MGAT4D: variants seen among roughly 807,000 people sequenced by gnomAD.
MGAT4D encodes the protein alpha-1,3-mannosyl-glycoprotein 4-beta-N-acetylglucosaminyltransferase-like protein MGAT4D.
A neutral mutation model predicts 15.9 loss-of-function variants in MGAT4D; 34 were observed. The observed-to-expected ratio is 2.14, with a 90% confidence interval of 1.62 to 2.84. MGAT4D has a LOEUF of 2.84. MGAT4D is among the 30% of genes most tolerant of loss of function. MGAT4D has a pLI of 0.00. For missense variants in MGAT4D, 327 were observed against 140.2 expected (o/e 2.33, Z -6.73); for synonymous variants, 112 against 48.2 (o/e 2.33, Z -5.49).
At chr4:140,480,559 C>T (rs1273077913) in intron 2 of MGAT4D, among the ~76,000 whole-genome samples, 1 of 151,890 alleles carries the variant, frequency 6.6e-6, no homozygotes, top group African/African-American at 2.4e-5. Flanking sequence ...AAGAGTGTCA[C>T]CAACTGAAAG....
chr4:140,457,586 A>C (rs1356368037), intron 8 of MGAT4D: 1 of 152,192 alleles, frequency 6.6e-6, no homozygotes, highest in Non-Finnish European at 1.5e-5. Context: ...TCATATTTTT[A>C]GCAAATAATG....
intron 1 of MGAT4D, among the ~76,000 whole-genome samples, chr4:140,484,685 G>T (rs1415141872): frequency 1.3e-5 from 2 of 151,964 alleles, no homozygotes; most frequent in African/African-American, 4.8e-5. Flanking sequence ...AATCTACAAT[G>T]AACTCAAACA....
intron 8 of MGAT4D, chr4:140,458,223 G>A (rs1393596945): frequency 6.6e-6 from 1 of 152,138 alleles, no homozygotes; most frequent in Non-Finnish European, 1.5e-5. Flanking sequence ...ATTAAGGTCT[G>A]CCACTCAGGA....
At chr4:140,470,344 T>C (rs1731842213) in intron 5 of MGAT4D, among the ~76,000 whole-genome samples, 1 of 152,244 alleles carries the variant, frequency 6.6e-6, no homozygotes, top group African/African-American at 2.4e-5. Flanking sequence ...ATTCTACACT[T>C]ACTAGCTGGA....
chr4:140,477,886 CAAAAT>C (rs1732446236), intron 3 of MGAT4D, among the ~76,000 whole-genome samples: 1 of 152,060 alleles, frequency 6.6e-6, no homozygotes, highest in Admixed American at 6.6e-5. Flanking sequence ...AAACCAGGCA[CAAAAT>C]GATGAGGGGC....
At chr4:140,487,940 G>A (rs1733250688) in intron 1 of MGAT4D, among the ~76,000 whole-genome samples, 1 of 152,168 alleles carries the variant, frequency 6.6e-6, no homozygotes, top group South Asian at 2.1e-4. Flanking sequence ...GACTTCAGAT[G>A]CAGACAATCA....
Position 140,494,892 on chromosome 4 carries a change from A to G in MGAT4D, c.94+3237T>C, listed in dbSNP as rs1733737688. On this transcript the variant is annotated intron_variant, in intron 1 of 10. Transcript: ENST00000511113. ...GAATTACCCAACCCAAAATGTCAAC[A>G]GCGCTAAGGTTGAGAAACCCTAGTT... is the stretch of plus-strand genomic sequence containing the variant. Among the ~76,000 whole-genome samples, 3 of 152,202 alleles carry G rather than the reference A, an allele frequency of 2.0e-5. No homozygotes were observed. In the South Asian group the frequency reaches 6.2e-4, roughly 32 times the overall value.
intron 1 of MGAT4D, among the ~76,000 whole-genome samples, chr4:140,485,715 T>A (rs1379659813): frequency 6.9e-6 from 1 of 145,014 alleles, no homozygotes; most frequent in Non-Finnish European, 1.5e-5. Flanking sequence ...GAGGTCAAGG[T>A]GAGAGGACTG....
At chr4:140,498,042 C>A in intron 1 of MGAT4D, 87 bp downstream of exon 1, 1 of 618,002 alleles carries the variant, frequency 1.6e-6, no homozygotes. Context: ...ATCGCCTCCG[C>A]ACCCGCCGAC....
At chr4:140,453,431 C>T (rs1005433014) in intron 9 of MGAT4D, among the ~76,000 whole-genome samples, 4 of 151,636 alleles carry the variant, frequency 2.6e-5, no homozygotes, top group African/African-American at 7.3e-5. Flanking sequence ...TTTAAGGTGT[C>T]CAGCATATAG....
At position 140,482,502 on chromosome 4, in the gene MGAT4D, T is replaced by C. The variant is rs967735390; in HGVS notation, c.95-17A>G. On this transcript the variant is annotated splice_polypyrimidine_tract_variant and intron_variant, in intron 1 of 10. Transcript: ENST00000511113. The stretch of plus-strand genomic sequence containing the variant: ...ATTGATTATCTGCAATGAAAACATA[T>C]GTATATATTTGTACATGTAGCAATG... 9 of 607,184 alleles carry C rather than the reference T, an allele frequency of 1.5e-5. No individual in the cohort carries two copies. The Admixed American group carries it at 1.9e-4, about 13-fold the overall frequency. 37.6% of individuals were successfully genotyped at this position (607,184 alleles called of 1,614,324 possible).
At chr4:140,476,083 A>T (rs1466525917) in intron 3 of MGAT4D, among the ~76,000 whole-genome samples, 1 of 152,132 alleles carries the variant, frequency 6.6e-6, no homozygotes, top group Non-Finnish European at 1.5e-5. Context: ...AAGTGCTGGG[A>T]TTACAGGCAT....
At chr4:140,491,936 T>C (rs1038160150) in intron 1 of MGAT4D, among the ~76,000 whole-genome samples, 4 of 152,104 alleles carry the variant, frequency 2.6e-5, no homozygotes, top group African/African-American at 7.2e-5. Flanking sequence ...TCTCCAAAGA[T>C]AGCCTCCAGG....
At chr4:140,449,051 C>A (rs898549144) in intron 10 of MGAT4D, among the ~76,000 whole-genome samples, 2 of 152,194 alleles carry the variant, frequency 1.3e-5, no homozygotes, top group Non-Finnish European at 2.9e-5. Context: ...ATAATTGGCC[C>A]TATGCCCAGT....
chr4:140,461,174 T>A (rs577408462), intron 7 of MGAT4D, among the ~76,000 whole-genome samples: 1 of 152,290 alleles, frequency 6.6e-6, no homozygotes, highest in South Asian at 2.1e-4. Flanking sequence ...AGAATAGAAC[T>A]GTGGTGTTTC....
chr4:140,489,949 C>T (rs1733395545), intron 1 of MGAT4D, among the ~76,000 whole-genome samples: 1 of 152,136 alleles, frequency 6.6e-6, no homozygotes, highest in Admixed American at 6.5e-5. Context: ...TAAGGCTGTA[C>T]ACTCATTTCA....
chr4:140,472,606 TA>T (rs2126785185), intron 4 of MGAT4D, among the ~76,000 whole-genome samples: 1 of 152,332 alleles, frequency 6.6e-6, no homozygotes, highest in Non-Finnish European at 1.5e-5. Flanking sequence ...TGGAGGCTCT[TA>T]ACCATAAATT....
chr4:140,489,065 A>G (rs1733337849), intron 1 of MGAT4D, among the ~76,000 whole-genome samples: 1 of 152,208 alleles, frequency 6.6e-6, no homozygotes, highest in Non-Finnish European at 1.5e-5. Context: ...CAATGCAAGA[A>G]TGGCCTACTA....
chr4:140,491,603 T>C (rs191705584), intron 1 of MGAT4D, among the ~76,000 whole-genome samples: 69 of 151,942 alleles, frequency 4.5e-4, no homozygotes, highest in Admixed American at 4.4e-3. Flanking sequence ...TTGCAGGTCA[T>C]CTACAAGAAG....
Sources: allele counts gnomAD v4.1 joint callset (sites outside exome capture counted in the v4.1 genomes callset), GRCh38; gene constraint gnomAD v4.1.1; transcripts MANE v1.5; gene names NCBI Gene and HGNC (gene_info 2026-07-23, HGNC 2026-07-21).